Variants in SPMIP11 observed in about 807,000 individuals in gnomAD.
SPMIP11 encodes long intergenic non-protein coding RNA 935.
At chr12:48,770,273 A>G in the SPMIP11 span, among the ~76,000 whole-genome samples, 1 of 152,116 alleles carries the variant, frequency 6.6e-6, no homozygotes, top group Admixed American at 6.5e-5. Context: ...AGGTAACTGA[A>G]GCTTAGAGAA....
chr12:48,738,970 T>C, the SPMIP11 span, among the ~76,000 whole-genome samples: 2 of 152,170 alleles, frequency 1.3e-5, no homozygotes, highest in East Asian at 3.9e-4. Context: ...ATAAGAACAT[T>C]TTACCTTGGT....
the SPMIP11 span, among the ~76,000 whole-genome samples, chr12:48,733,277 G>T: frequency 3.9e-5 from 6 of 151,924 alleles, no homozygotes; most frequent in Admixed American, 3.9e-4. Flanking sequence ...GTTTCACCAT[G>T]TTGGCCAGGC....
chr12:48,764,964 C>T, the SPMIP11 span: 10 of 702,836 alleles, frequency 1.4e-5, no homozygotes, highest in East Asian at 8.0e-5. Flanking sequence ...CCGGAGCCCA[C>T]GCCATTGTCT....
chr12:48,741,340 C>T, the SPMIP11 span, among the ~76,000 whole-genome samples: 1 of 152,072 alleles, frequency 6.6e-6, no homozygotes, highest in East Asian at 1.9e-4. Context: ...CATGAGCCAC[C>T]ATGCCTGGCC....
At chr12:48,756,404 G>GGGATT in the SPMIP11 span, among the ~76,000 whole-genome samples, 1 of 152,156 alleles carries the variant, frequency 6.6e-6, no homozygotes, top group South Asian at 2.1e-4. Flanking sequence ...GTACAGGGAG[G>GGGATT]GGATTCAAAC....
chr12:48,752,076 A>AAAC, the SPMIP11 span, among the ~76,000 whole-genome samples: 704 of 151,564 alleles, frequency 4.6e-3, 7 homozygotes, highest in African/African-American at 0.016. Flanking sequence ...CAAAAAAAAA[A>AAAC]AAACAAACAA....
the SPMIP11 span, chr12:48,765,738 T>A: frequency 5.7e-6 from 4 of 698,200 alleles, no homozygotes; most frequent in Non-Finnish European, 1.0e-5. Context: ...TTCCGATGGC[T>A]GACTAATGGG....
chr12:48,764,466 AT>A, the SPMIP11 span, among the ~76,000 whole-genome samples: 1 of 152,144 alleles, frequency 6.6e-6, no homozygotes, highest in South Asian at 2.1e-4. Flanking sequence ...AAAGGAAGCC[AT>A]TTTTTCCAAG....
the SPMIP11 span, among the ~76,000 whole-genome samples, chr12:48,761,397 G>A: frequency 6.6e-6 from 1 of 151,194 alleles, no homozygotes; most frequent in African/African-American, 2.4e-5. Context: ...GTTGCAGTGA[G>A]CTGAGATGGC....
chr12:48,744,305 C>T, the SPMIP11 span, among the ~76,000 whole-genome samples: 3 of 150,370 alleles, frequency 2.0e-5, no homozygotes, highest in African/African-American at 7.3e-5. Flanking sequence ...ACTTGGGAGG[C>T]TGAGGCATGA....
At chr12:48,743,230 T>TAA in the SPMIP11 span, among the ~76,000 whole-genome samples, 15 of 121,364 alleles carry the variant, frequency 1.2e-4, no homozygotes, top group African/African-American at 2.7e-4. Context: ...CCATCTCTAC[T>TAA]AAAAAAAAAA....
At chr12:48,769,314 G>A in the SPMIP11 span, among the ~76,000 whole-genome samples, 1 of 150,720 alleles carries the variant, frequency 6.6e-6, no homozygotes, top group Non-Finnish European at 1.5e-5. Context: ...TTAGGAGGCT[G>A]AGGTGGGAGA....
At chr12:48,741,813 T>A in the SPMIP11 span, among the ~76,000 whole-genome samples, 1 of 152,020 alleles carries the variant, frequency 6.6e-6, no homozygotes, top group Admixed American at 6.6e-5. Context: ...CCAATTGTTT[T>A]GATTTCTAGT....
At chr12:48,731,641 C>T in the SPMIP11 span, among the ~76,000 whole-genome samples, 5 of 152,094 alleles carry the variant, frequency 3.3e-5, no homozygotes, top group African/African-American at 9.7e-5. Context: ...ATCCCATAAC[C>T]CCTGGGTAAC....
the SPMIP11 span, among the ~76,000 whole-genome samples, chr12:48,728,933 A>C: frequency 6.6e-6 from 1 of 152,036 alleles, no homozygotes; most frequent in Non-Finnish European, 1.5e-5. Flanking sequence ...TTGAATTTTT[A>C]GTAGGCAGTG....
At chr12:48,756,655 C>A in the SPMIP11 span, among the ~76,000 whole-genome samples, 1 of 152,140 alleles carries the variant, frequency 6.6e-6, no homozygotes, top group African/African-American at 2.4e-5. Context: ...TGATCCAGTT[C>A]CTGACAAGCA....
chr12:48,759,322 T>C, the SPMIP11 span: 1,111 of 702,948 alleles, frequency 1.6e-3, 10 homozygotes, highest in South Asian at 9.9e-3. Flanking sequence ...GAAGGTGTTG[T>C]TGAAGACGTG....
At chr12:48,742,082 T>A in the SPMIP11 span, among the ~76,000 whole-genome samples, 7,558 of 151,920 alleles carry the variant, frequency 0.05, 645 homozygotes, top group African/African-American at 0.17. Context: ...ACTACAATTT[T>A]AAAAAAAATT....
chr12:48,758,162 T>C, the SPMIP11 span, among the ~76,000 whole-genome samples: 1 of 152,106 alleles, frequency 6.6e-6, no homozygotes, highest in South Asian at 2.1e-4. Context: ...AGGGAGACCG[T>C]CTTAAAATAC....
Sources: gnomAD v4.1 joint callset for allele counts (sites outside exome capture counted in the v4.1 genomes callset) on GRCh38, gnomAD v4.1.1 for gene constraint, MANE v1.5 for transcripts, NCBI Gene and HGNC (gene_info 2026-07-23, HGNC 2026-07-21) for gene names.